The following SRP72 variants were observed in gnomAD, a reference collection of about 807,000 sequenced individuals.
SRP72 encodes signal recognition particle 72, also known as signal recognition particle subunit SRP72.
SRP72 carries 49 observed loss-of-function variants against 96.3 expected under a neutral mutation model. The ratio of observed to expected loss-of-function variants is 0.51; its 90% CI spans 0.40 to 0.65. SRP72 has a LOEUF of 0.65. SRP72 is among the 30% of genes least tolerant of loss of function. The probability of loss-of-function intolerance (pLI) is 0.00; values close to 1 mark genes in which losing one functional copy is unlikely to be tolerated. For missense variants in SRP72, 736 were observed against 793.3 expected, an observed-to-expected ratio of 0.93 and a Z score of 0.87; for synonymous variants, 267 against 275.2, an observed-to-expected ratio of 0.97 and a Z score of 0.30.
chr4:56,495,054 T>C (rs1232403568), intron 16 of SRP72, among the ~76,000 whole-genome samples: 1 of 152,238 alleles, frequency 6.6e-6, no homozygotes, highest in Non-Finnish European at 1.5e-5. Context: ...GTCATGCTTG[T>C]GCAAATTACT....
At chr4:56,495,673 A>G (rs1721051835) in intron 17 of SRP72, among the ~76,000 whole-genome samples, 1 of 152,194 alleles carries the variant, frequency 6.6e-6, no homozygotes, top group South Asian at 2.1e-4. Flanking sequence ...ATGGAATATG[A>G]TAGTATATAT....
At chr4:56,476,359 GTTTATT>G (rs911630025) in intron 5 of SRP72, 4 of 355,270 alleles carry the variant, frequency 1.1e-5, no homozygotes, top group Admixed American at 9.9e-5. Flanking sequence ...TGGTAGGATT[GTTTATT>G]TTTATACTTT....
chr4:56,469,546 C>A, intron 1 of SRP72, 107 bp from the exon 2 acceptor site: 1 of 1,061,126 alleles, frequency 9.4e-7, no homozygotes, highest in Non-Finnish European at 1.3e-6. Flanking sequence ...ATTTCTGTTG[C>A]AATAAAAGTA....
At chr4:56,494,479 C>T (rs2110130264) in intron 16 of SRP72, among the ~76,000 whole-genome samples, 1 of 150,714 alleles carries the variant, frequency 6.6e-6, no homozygotes, top group African/African-American at 2.4e-5. Flanking sequence ...ATCTCGCTCA[C>T]TGCAGCCTCT....
Position 56,502,048 on chromosome 4 carries a change from C to T in SRP72, c.*187C>T. The T allele has an allele frequency of 4.8e-6, 3 of 623,976 alleles. No individual in the cohort carries two copies. Among genetic ancestry groups the T allele is most frequent in the South Asian group, 2.0e-5 (1 of 50,626 alleles). The allele number at this position is 623,976 out of a possible 1,614,324, so 38.7% of individuals were successfully genotyped here. A position where few individuals can be genotyped will look rare whatever the true frequency, so the allele number is the denominator to read the frequency against. On this transcript the variant is annotated 3_prime_UTR_variant, in exon 19 of 19. Transcript: ENST00000642900. ...CTAGTGAGATATGGCCTACTGGTTGCCTCATAGCTTTGTACAGATTATGAG... is the reference window on the plus strand; with the variant it reads ...CTAGTGAGATATGGCCTACTGGTTGTCTCATAGCTTTGTACAGATTATGAG...
chr4:56,492,241 A>G (rs751285573), intron 16 of SRP72, among the ~76,000 whole-genome samples: 16 of 152,230 alleles, frequency 1.1e-4, no homozygotes, highest in South Asian at 1.0e-3. Context: ...CTTTTTATGC[A>G]TAACACTCCA....
At chr4:56,500,720 G>A (rs1379631803) in intron 18 of SRP72, 25 bp downstream of exon 18, 1 of 1,599,818 alleles carries the variant, frequency 6.3e-7, no homozygotes, top group Middle Eastern at 1.7e-4. Flanking sequence ...CACAATTGAG[G>A]GCACTTAGAA....
In SRP72 at chr4:56,467,693, C is replaced by A. The variant is rs111673705; in HGVS notation, c.58C>A (p.Arg20=). ...ACCTGCGCTGTGGAGTGAAGTGAAC[C>A]GGTATGGCCAGAACGGCGACTTCAC... is the stretch of plus-strand genomic sequence containing the variant. ...SVPALWSEVN[R]YGQNGDFTRA... is the part of the protein sequence containing the mutation. Residue 20 remains arginine (R), a synonymous_variant, in exon 1 of 19, where the codon CGG becomes AGG. Transcript: ENST00000642900. 3.2e-6 allele frequency: 5 copies of A among 1,554,472 alleles called. No homozygotes were observed. In the African/African-American group the frequency reaches 5.7e-5, roughly 18 times the overall value.
intron 11 of SRP72, 108 bp downstream of exon 11, chr4:56,486,505 A>G: frequency 1.2e-6 from 1 of 819,786 alleles, no homozygotes; most frequent in Non-Finnish European, 1.8e-6. Flanking sequence ...ATAGTAAAGC[A>G]TAATAATTAC....
At chr4:56,470,621 CTCTTTT>C (rs1312844379) in intron 2 of SRP72, among the ~76,000 whole-genome samples, 3 of 151,810 alleles carry the variant, frequency 2.0e-5, no homozygotes, top group Non-Finnish European at 4.4e-5. Context: ...CTTAGTGTAT[CTCTTTT>C]TCTTTTTATA....
At chr4:56,497,402 G>T (rs1041582989) in intron 17 of SRP72, among the ~76,000 whole-genome samples, 2 of 151,512 alleles carry the variant, frequency 1.3e-5, no homozygotes, top group Non-Finnish European at 2.9e-5. Context: ...TGTATTTTTA[G>T]TAGAGACGGG....
chr4:56,495,952 A>G (rs1280493281), intron 17 of SRP72, among the ~76,000 whole-genome samples: 4 of 152,218 alleles, frequency 2.6e-5, no homozygotes, highest in African/African-American at 7.2e-5. Context: ...TCAGGGCCAC[A>G]TACTTGTCAT....
rs778609391 is a variant in SRP72 at position 56,478,655 on chromosome 4, G to T, written c.825+6G>T. 1 of 1,612,616 alleles carries T rather than the reference G, an allele frequency of 6.2e-7. No homozygotes were observed. On this transcript the variant is annotated splice_donor_region_variant and intron_variant, in intron 8 of 18. Transcript: ENST00000642900. ...ACATCATTACCATTAACAAGGTATG[G>T]AGTATTTGTGCTTTCCATAGATATA...
chr4:56,477,306 T>C (rs971074700), intron 6 of SRP72: 2 of 145,952 alleles, frequency 1.4e-5, no homozygotes, highest in African/African-American at 5.1e-5. Flanking sequence ...TCTCTCTTTT[T>C]TTTTTTTTTT....
chr4:56,478,303 T>C, intron 6 of SRP72, 76 bp from the exon 7 acceptor site: 1 of 1,438,108 alleles, frequency 7.0e-7, no homozygotes, highest in East Asian at 2.3e-5. Context: ...GTATCTCTTT[T>C]GAATGTTTGG....
At chr4:56,484,051 T>TTTTTTTTTTTTTTTTTTTTC (rs1560682047) in intron 9 of SRP72, among the ~76,000 whole-genome samples, 2 of 142,716 alleles carry the variant, frequency 1.4e-5, no homozygotes, top group African/African-American at 5.3e-5. Context: ...TTTTTTTTTT[T>TTTTTTTTTTTTTTTTTTTTC]GAGATGGAGT....
At chr4:56,494,540 A>T (rs764045243) in intron 16 of SRP72, among the ~76,000 whole-genome samples, 2 of 151,760 alleles carry the variant, frequency 1.3e-5, no homozygotes, top group Non-Finnish European at 2.9e-5. Flanking sequence ...AGTAGCTGAG[A>T]TTACAGGCAC....
At chr4:56,500,040 A>T (rs1388656288) in intron 17 of SRP72, among the ~76,000 whole-genome samples, 1 of 151,362 alleles carries the variant, frequency 6.6e-6, no homozygotes, top group African/African-American at 2.5e-5. Context: ...GCCATAAAAA[A>T]CGATGAGTTC....
At chr4:56,467,769 GC>G in intron 1 of SRP72, 25 bp downstream of exon 1, 1 of 1,416,116 alleles carries the variant, frequency 7.1e-7, no homozygotes. Context: ...GGGCACTGGG[GC>G]GGGCCCAGGC....
Sources: allele counts gnomAD v4.1 joint callset (sites outside exome capture counted in the v4.1 genomes callset), GRCh38; gene constraint gnomAD v4.1.1; transcripts MANE v1.5; gene names NCBI Gene and HGNC (gene_info 2026-07-23, HGNC 2026-07-21).